SYN3: variants seen among roughly 807,000 people sequenced by gnomAD.
SYN3 encodes the protein synapsin-3.
SYN3 carries 35 observed loss-of-function variants against 65.8 expected under a neutral mutation model. The observed-to-expected ratio is 0.53, with a 90% confidence interval of 0.41 to 0.70. The LOEUF (loss-of-function observed/expected upper bound fraction) is 0.70. Among genes scored for constraint, SYN3 ranks in the 30% least tolerant of loss-of-function variants. The pLI is 0.00. For missense variants in SYN3, 680 were observed against 749.0 expected (o/e 0.91, Z 1.08); for synonymous variants, 270 against 292.9 (o/e 0.92, Z 0.80).
chr22:32,836,740 G>C (rs1469437554), intron 6 of SYN3, among the ~76,000 whole-genome samples: 3 of 152,164 alleles, frequency 2.0e-5, no homozygotes, highest in Non-Finnish European at 4.4e-5. Context: ...CCAAACTATG[G>C]CCCTGGGTGT....
intron 3 of SYN3, among the ~76,000 whole-genome samples, chr22:32,971,660 G>A (rs377373972): frequency 2.6e-5 from 4 of 152,288 alleles, no homozygotes; most frequent in South Asian, 2.1e-4. Context: ...CCTAGAAATC[G>A]AGACCAGAAG....
chr22:32,528,031 G>C (rs1302021818), intron 11 of SYN3, 26 bp from the exon 12 acceptor site: 1 of 1,510,054 alleles, frequency 6.6e-7, no homozygotes, highest in Non-Finnish European at 8.9e-7. Flanking sequence ...AAAGAAGCCT[G>C]TTGGTATCAC....
At chr22:32,518,363 T>G in intron 12 of SYN3, 29 bp from the exon 13 acceptor site, 3 of 1,609,790 alleles carry the variant, frequency 1.9e-6, no homozygotes, top group Non-Finnish European at 2.5e-6. Context: ...AAAGGTTCAG[T>G]TCAATTTTTT....
At chr22:33,044,123 C>T (rs932097642) in intron 1 of SYN3, among the ~76,000 whole-genome samples, 2 of 151,922 alleles carry the variant, frequency 1.3e-5, no homozygotes, top group African/African-American at 2.4e-5. Context: ...AGTTAGGCCA[C>T]AGGAAGATGT....
intron 1 of SYN3, among the ~76,000 whole-genome samples, chr22:33,044,943 A>G (rs763260401): frequency 1.3e-5 from 2 of 151,424 alleles, no homozygotes; most frequent in Non-Finnish European, 2.9e-5. Context: ...CCCGGGTTCA[A>G]GCGACTCTCC....
At chr22:32,866,629 G>C (rs2048696038) in intron 5 of SYN3, among the ~76,000 whole-genome samples, 2 of 152,134 alleles carry the variant, frequency 1.3e-5, no homozygotes, top group South Asian at 4.1e-4. Flanking sequence ...CACACGGCTA[G>C]TGCTGATGAG....
In SYN3 at chr22:33,006,739, G is replaced by C; in HGVS notation, c.-77C>G. 2.1e-6 allele frequency: 3 copies of C among 1,435,804 alleles called. No individual in the cohort carries two copies. Among genetic ancestry groups the C allele is most frequent in the Non-Finnish European group, 1.9e-6 (2 of 1,063,094 alleles). 88.9% of individuals were successfully genotyped at this position (1,435,804 alleles called of 1,614,324 possible). Reference sequence around the variant, plus strand: ...GGCCCAGAAGACAGGCTGCTGCCAGGTACAGGGAGTGGTAGGACTTTAGCC... The same window carrying C: ...GGCCCAGAAGACAGGCTGCTGCCAGCTACAGGGAGTGGTAGGACTTTAGCC... On this transcript the variant is annotated 5_prime_UTR_variant, in exon 2 of 14. Transcript: ENST00000358763.
intron 6 of SYN3, chr22:32,802,263 A>G (rs1000870855): frequency 3.1e-6 from 4 of 1,303,754 alleles, no homozygotes; most frequent in Admixed American, 2.6e-5. Flanking sequence ...GAGAAACTCG[A>G]TGTCCTTGGG....
chr22:32,812,854 T>A (rs1158205597), intron 6 of SYN3, among the ~76,000 whole-genome samples: 1 of 152,132 alleles, frequency 6.6e-6, no homozygotes, highest in Non-Finnish European at 1.5e-5. Context: ...GATAGAAAGC[T>A]CCAAAGATCC....
intron 3 of SYN3, among the ~76,000 whole-genome samples, chr22:32,938,927 C>CAAA (rs137558): frequency 0.014 from 1,734 of 124,906 alleles, 26 homozygotes; most frequent in African/African-American, 0.025. Flanking sequence ...GGCTTTGTCT[C>CAAA]AAAAAAAAAA....
intron 4 of SYN3, among the ~76,000 whole-genome samples, chr22:32,925,887 C>A (rs1348836990): frequency 2.2e-5 from 1 of 44,834 alleles, no homozygotes. Context: ...TTTTTTGTGG[C>A]AGGGTCTCAA....
intron 6 of SYN3, among the ~76,000 whole-genome samples, chr22:32,813,446 C>T (rs1052249821): frequency 2.0e-5 from 3 of 147,678 alleles, no homozygotes; most frequent in Non-Finnish European, 3.0e-5. Context: ...TTAGGACAAG[C>T]AAGAAATCCA....
chr22:32,945,344 T>C lies in SYN3; in HGVS notation c.370-13863A>G, dbSNP rs1034026995. ...CATGGTACTGGTACCAAAACAGAGA[T>C]ATAGACCAATGGAACAGAACAGAGC... On this transcript the variant is annotated intron_variant, in intron 3 of 13. Transcript: ENST00000358763. Among the ~76,000 whole-genome samples, 7 of 152,006 alleles carry C rather than the reference T, an allele frequency of 4.6e-5. No individual in the cohort carries two copies. In the South Asian group the frequency reaches 8.3e-4, roughly 18 times the overall value.
At chr22:32,787,470 G>GT (rs1296599892) in intron 6 of SYN3, among the ~76,000 whole-genome samples, 1 of 152,184 alleles carries the variant, frequency 6.6e-6, no homozygotes, top group African/African-American at 2.4e-5. Context: ...CCTTGAGCAA[G>GT]TGATTTAACC....
At chr22:32,861,442 G>A (rs1310498122) in intron 6 of SYN3, 1 of 152,228 alleles carries the variant, frequency 6.6e-6, no homozygotes, top group Non-Finnish European at 1.5e-5. Context: ...GCCCAGACTT[G>A]ATGTTTTGGG....
intron 6 of SYN3, among the ~76,000 whole-genome samples, chr22:32,830,076 C>G (rs931362061): frequency 5.3e-5 from 8 of 152,178 alleles, no homozygotes; most frequent in Non-Finnish European, 1.2e-4. Context: ...GCCGACATTT[C>G]AGGAGGAGGA....
intron 6 of SYN3, among the ~76,000 whole-genome samples, chr22:32,740,922 G>A (rs1401414790): frequency 1.3e-5 from 2 of 152,128 alleles, no homozygotes; most frequent in Non-Finnish European, 2.9e-5. Context: ...CCAACCTTGG[G>A]CTTCTCTGAG....
In SYN3 at chr22:32,823,370, T is replaced by C. The variant is rs73885113; in HGVS notation, c.711+41545A>G. On this transcript the variant is annotated intron_variant, in intron 6 of 13. Coordinates refer to ENST00000358763, the MANE Select transcript of SYN3 (RefSeq NM_003490.4). ...CAAGGGATGTTTCTGTTGGGAGCTG[T>C]GAGTGGGGTGGATGTCCTCTGCCTC... Among the ~76,000 whole-genome samples, 1,433 of 152,178 alleles carry C rather than the reference T, an allele frequency of 9.4e-3. 30 individuals are homozygous for C. The highest frequency in any genetic ancestry group is 0.034 in the African/African-American group (1,395 of 41,508).
chr22:32,507,893 C>T lies in SYN3; in HGVS notation c.*5799G>A, dbSNP rs1170949153. Among the ~76,000 whole-genome samples, 1 of 152,008 alleles carries T rather than the reference C, an allele frequency of 6.6e-6. No individual in the cohort carries two copies. Among genetic ancestry groups the T allele is most frequent in the Non-Finnish European group, 1.5e-5 (1 of 68,026 alleles). On this transcript the variant is annotated 3_prime_UTR_variant, in exon 14 of 14. Coordinates refer to ENST00000358763, the MANE Select transcript of SYN3 (RefSeq NM_003490.4). ...CACAATATCACCCCTTACCACGAGA[C>T]CTCCCTTCAGCTTAATCTCTCCCAC... is the stretch of plus-strand genomic sequence containing the variant.
Sources: gnomAD v4.1 joint callset for allele counts (sites outside exome capture counted in the v4.1 genomes callset) on GRCh38, gnomAD v4.1.1 for gene constraint, MANE v1.5 for transcripts, NCBI Gene and HGNC (gene_info 2026-07-23, HGNC 2026-07-21) for gene names.